Variants in MYO18B observed in about 807,000 individuals in gnomAD.
MYO18B encodes the protein myosin XVIIIB, also known as unconventional myosin-XVIIIb.
A neutral mutation model predicts 273.0 loss-of-function variants in MYO18B; 204 were observed. That is an observed-to-expected ratio of 0.75 (90% CI 0.67 to 0.84). MYO18B has a LOEUF of 0.84. Ranked by LOEUF, MYO18B falls within the 40% of genes least tolerant of loss-of-function variation. The pLI is 0.00. For synonymous variants in MYO18B, 1,330 were observed against 1,305.7 expected, an observed-to-expected ratio of 1.02 and a Z score of -0.40; for missense variants, 3,212 against 3,287.6, an observed-to-expected ratio of 0.98 and a Z score of 0.56.
At chr22:26,051,381 G>A in the MYO18B span, among the ~76,000 whole-genome samples, 44 of 151,826 alleles carry the variant, frequency 2.9e-4, no homozygotes, top group African/African-American at 9.7e-4. Context: ...CCACCACCGC[G>A]CCCGGCTAAT....
chr22:26,031,540 T>G (rs1431979901), downstream of MYO18B, among the ~76,000 whole-genome samples: 2 of 152,224 alleles, frequency 1.3e-5, no homozygotes, highest in Admixed American at 1.3e-4. Flanking sequence ...TTATTTTAAC[T>G]TGGTTACCCT....
intron 20 of MYO18B, among the ~76,000 whole-genome samples, chr22:25,849,071 G>A (rs9613026): frequency 0.35 from 53,804 of 152,232 alleles, 10,240 homozygotes; most frequent in East Asian, 0.68. Context: ...CAAGAGAAGA[G>A]GGGGATGGTC....
intron 34 of MYO18B, among the ~76,000 whole-genome samples, chr22:25,939,527 C>T (rs1310709863): frequency 3.3e-5 from 5 of 152,196 alleles, no homozygotes; most frequent in African/African-American, 1.2e-4. Context: ...GTCGTTATTA[C>T]AGAACCAACC....
intron 24 of MYO18B, 70 bp from the exon 25 acceptor site, chr22:25,877,889 T>C: frequency 7.6e-7 from 1 of 1,311,348 alleles, no homozygotes; most frequent in Non-Finnish European, 1.1e-6. Flanking sequence ...TGCCGTTTGC[T>C]CACTCCTAAC....
chr22:25,807,257 G>A lies in MYO18B; in HGVS notation c.2521+9160G>A, dbSNP rs368766428. ...GTGCTCTTTACACAGCTTAGCAGAA[G>A]GCCCGAGAGGCCAAGGGTAGTGTAG... On this transcript the variant is annotated intron_variant, in intron 12 of 43. Transcript: ENST00000335473. Among the ~76,000 whole-genome samples the A allele has an allele frequency of 1.4e-3, 208 of 152,302 alleles. 9 individuals are homozygous for A. The South Asian group carries it at 0.042, about 31-fold the overall frequency.
intron 39 of MYO18B, among the ~76,000 whole-genome samples, chr22:25,974,819 C>G (rs2093071315): frequency 6.6e-6 from 1 of 152,178 alleles, no homozygotes; most frequent in Admixed American, 6.5e-5. Flanking sequence ...AATATGGAGC[C>G]ATTTTAAGCA....
chr22:25,850,703 C>G (rs1327517272), intron 20 of MYO18B, among the ~76,000 whole-genome samples: 1 of 152,142 alleles, frequency 6.6e-6, no homozygotes, highest in Non-Finnish European at 1.5e-5. Flanking sequence ...TCCAGAGTAG[C>G]TGCGACTACA....
intron 21 of MYO18B, among the ~76,000 whole-genome samples, chr22:25,859,999 T>C (rs1016184687): frequency 1.3e-5 from 2 of 152,196 alleles, no homozygotes; most frequent in African/African-American, 4.8e-5. Flanking sequence ...CTATTGTGTG[T>C]TAATTTTGTG....
chr22:26,014,172 T>G (rs1327594256), intron 42 of MYO18B, among the ~76,000 whole-genome samples: 1 of 152,188 alleles, frequency 6.6e-6, no homozygotes, highest in Admixed American at 6.5e-5. Context: ...TGATACTTAT[T>G]TGTGATGTGA....
intron 11 of MYO18B, among the ~76,000 whole-genome samples, chr22:25,789,092 CT>C (rs1438078981): frequency 7.2e-4 from 54 of 75,044 alleles, no homozygotes; most frequent in East Asian, 3.8e-3. Flanking sequence ...CTTCCTCCTC[CT>C]TCTTCTTCCT....
chr22:25,772,472 C>G lies in MYO18B; in HGVS notation c.1831C>G (p.Leu611Val). The part of the protein sequence containing the change: ...HTCTGPDLIV[L>V]QPRGPSVPSA... Reference sequence around the variant, plus strand: ...CTGCACAGGGCCTGATCTGATTGTCCTCCAGCCCCGGGGGCCCTCGGTGCC... The same window carrying G: ...CTGCACAGGGCCTGATCTGATTGTCGTCCAGCCCCGGGGGCCCTCGGTGCC... Residue 611 changes from leucine (L) to valine (V), a missense_variant, in exon 7 of 44, where the codon CTC (leucine) becomes GTC (valine). Transcript: ENST00000335473. 6.2e-7 allele frequency: 1 copy of G among 1,613,990 alleles called. No individual in the cohort carries two copies. The highest frequency in any genetic ancestry group is 1.1e-5 in the South Asian group (1 of 91,078).
At chr22:25,790,913 C>G (rs76417559) in intron 11 of MYO18B, among the ~76,000 whole-genome samples, 1,968 of 152,224 alleles carry the variant, frequency 0.013, 52 homozygotes, top group African/African-American at 0.046. Flanking sequence ...AGCCTGGGGT[C>G]CTCAAATCTG....
chr22:25,895,308 A>C, intron 28 of MYO18B, 28 bp downstream of exon 28: 1 of 1,575,080 alleles, frequency 6.3e-7, no homozygotes, highest in Non-Finnish European at 8.6e-7. Flanking sequence ...TCTGGGCCAC[A>C]GAAGTGTTAG....
chr22:25,989,521 G>A (rs1331649107), intron 39 of MYO18B, among the ~76,000 whole-genome samples: 1 of 150,668 alleles, frequency 6.6e-6, no homozygotes, highest in African/African-American at 2.4e-5. Context: ...GGTGGCTCAC[G>A]CCTGTACTCC....
intron 39 of MYO18B, among the ~76,000 whole-genome samples, chr22:25,972,911 G>A (rs1052801056): frequency 5.3e-5 from 8 of 149,660 alleles, no homozygotes; most frequent in African/African-American, 1.7e-4. Context: ...AGCCAAGATC[G>A]TGCCACTGCA....
At chr22:25,787,798 C>T (rs1296651656) in intron 11 of MYO18B, among the ~76,000 whole-genome samples, 1 of 152,078 alleles carries the variant, frequency 6.6e-6, no homozygotes, top group Admixed American at 6.5e-5. Context: ...TACCCTTTAC[C>T]CCGTGATCTG....
intron 8 of MYO18B, among the ~76,000 whole-genome samples, chr22:25,779,738 G>T (rs1279280154): frequency 6.6e-6 from 1 of 152,150 alleles, no homozygotes; most frequent in Non-Finnish European, 1.5e-5. Context: ...GCTCCATTAG[G>T]TCTGGGAAGC....
rs942241146 is a variant in MYO18B, at chr22:25,768,660, C to G, written c.744C>G (p.Pro248=). Residue 248 remains proline, a synonymous_variant, in exon 4 of 44, where the codon CCC becomes CCG. Coordinates refer to ENST00000335473, the MANE Select transcript of MYO18B (RefSeq NM_032608.7). ...QSIVGKGLGT[P]KTTELKEAEP... is the part of the protein sequence containing the mutation. ...TAGTGGGGAAGGGGCTTGGGACCCC[C>G]AAGACCACAGAGCTGAAAGAGGCTG... is the stretch of plus-strand genomic sequence containing the variant. The G allele has an allele frequency of 6.5e-7, 1 of 1,537,424 alleles. No homozygotes were observed. Among genetic ancestry groups the G allele is most frequent in the South Asian group, 1.3e-5 (1 of 76,090 alleles).
intron 12 of MYO18B, among the ~76,000 whole-genome samples, chr22:25,802,925 T>C (rs1398826494): frequency 1.3e-5 from 2 of 151,752 alleles, no homozygotes; most frequent in African/African-American, 2.4e-5. Flanking sequence ...TATGTGCATA[T>C]CTTTGTTGTC....
Sources: allele counts gnomAD v4.1 joint callset (sites outside exome capture counted in the v4.1 genomes callset), GRCh38; gene constraint gnomAD v4.1.1; transcripts MANE v1.5; gene names NCBI Gene and HGNC (gene_info 2026-07-23, HGNC 2026-07-21).